SORCS2: variants seen among roughly 807,000 people sequenced by gnomAD.
The protein encoded by SORCS2 is sortilin related VPS10 domain containing receptor 2.
Under a neutral mutation model 141.6 loss-of-function variants are expected in SORCS2, and 100 were observed. The ratio of observed to expected loss-of-function variants is 0.71; its 90% CI spans 0.60 to 0.83. SORCS2 has a LOEUF of 0.83. Ranked by LOEUF, SORCS2 falls within the 40% of genes least tolerant of loss-of-function variation. The probability of loss-of-function intolerance (pLI) is 0.00; values close to 1 mark genes in which losing one functional copy is unlikely to be tolerated. For missense variants in SORCS2, 1,646 were observed against 1,560.2 expected, an observed-to-expected ratio of 1.05 and a Z score of -0.93; for synonymous variants, 789 against 676.9, an observed-to-expected ratio of 1.17 and a Z score of -2.57.
intron 2 of SORCS2, among the ~76,000 whole-genome samples, chr4:7,442,714 G>C (rs370473809): frequency 6.7e-4 from 98 of 146,338 alleles, no homozygotes; most frequent in African/African-American, 2.4e-3. Flanking sequence ...TCAACAAAGC[G>C]GAGAGCAGCA....
intron 1 of SORCS2, among the ~76,000 whole-genome samples, chr4:7,199,853 C>A (rs1327980085): frequency 6.6e-6 from 1 of 152,098 alleles, no homozygotes; most frequent in African/African-American, 2.4e-5. Context: ...CCCAAACCCA[C>A]TCTCCCACTC....
At chr4:7,238,291 G>GC (rs1022399406) in intron 1 of SORCS2, among the ~76,000 whole-genome samples, 35 of 105,224 alleles carry the variant, frequency 3.3e-4, no homozygotes, top group African/African-American at 1.6e-3. Context: ...GAGGGAGTCT[G>GC]GGGGGGGTTG....
intron 23 of SORCS2, among the ~76,000 whole-genome samples, chr4:7,732,923 C>T (rs1191968281): frequency 6.6e-6 from 1 of 151,922 alleles, no homozygotes; most frequent in East Asian, 1.9e-4. Context: ...TCCAGAGGGT[C>T]CAAGCAGGAC....
intron 3 of SORCS2, among the ~76,000 whole-genome samples, chr4:7,614,459 C>T (rs1205895571): frequency 6.7e-6 from 1 of 150,242 alleles, no homozygotes; most frequent in South Asian, 2.1e-4. Flanking sequence ...CATCCATTCA[C>T]CCATAATCCA....
intron 1 of SORCS2, among the ~76,000 whole-genome samples, chr4:7,348,247 T>G (rs1720749252): frequency 6.6e-6 from 1 of 152,254 alleles, no homozygotes; most frequent in South Asian, 2.1e-4. Context: ...ACTTCATTCT[T>G]CCAGCTTTCT....
intron 2 of SORCS2, among the ~76,000 whole-genome samples, chr4:7,414,971 T>A (rs1341891603): frequency 6.6e-6 from 1 of 152,140 alleles, no homozygotes; most frequent in Non-Finnish European, 1.5e-5. Flanking sequence ...AAGGGGTCAG[T>A]TGGAGTTTGT....
chr4:7,499,462 G>A (rs1179155881), intron 2 of SORCS2, among the ~76,000 whole-genome samples: 1 of 152,202 alleles, frequency 6.6e-6, no homozygotes, highest in African/African-American at 2.4e-5. Context: ...GCACCAGTGA[G>A]GAAGTGGGCC....
intron 2 of SORCS2, among the ~76,000 whole-genome samples, chr4:7,529,271 C>T (rs1208520481): frequency 6.6e-6 from 1 of 152,068 alleles, no homozygotes; most frequent in African/African-American, 2.4e-5. Flanking sequence ...AGCGGCCCCA[C>T]CACCCCTCCC....
At chr4:7,511,624 G>C (rs1304366655) in intron 2 of SORCS2, among the ~76,000 whole-genome samples, 2 of 152,182 alleles carry the variant, frequency 1.3e-5, no homozygotes, top group Non-Finnish European at 2.9e-5. Context: ...CTGCAGAGCT[G>C]GCCTGGGCGT....
At chr4:7,515,211 G>A (rs1273145575) in intron 2 of SORCS2, among the ~76,000 whole-genome samples, 4 of 152,230 alleles carry the variant, frequency 2.6e-5, no homozygotes, top group Non-Finnish European at 5.9e-5. Context: ...CTGAGGTCCA[G>A]TGAGTACAGT....
intron 1 of SORCS2, among the ~76,000 whole-genome samples, chr4:7,333,007 G>T (rs1331401434): frequency 6.6e-6 from 1 of 152,258 alleles, no homozygotes; most frequent in African/African-American, 2.4e-5. Flanking sequence ...CACGTGGAAG[G>T]CACCTGGCAC....
At chr4:7,620,025 CTCCTCCTCCT>C (rs1227511021) in intron 3 of SORCS2, among the ~76,000 whole-genome samples, 1 of 150,334 alleles carries the variant, frequency 6.7e-6, no homozygotes, top group Non-Finnish European at 1.5e-5. Context: ...CTCCTTCCTC[CTCCTCCTCCT>C]TCCTCCTCCT....
At chr4:7,582,445 A>G (rs1716220234) in intron 3 of SORCS2, among the ~76,000 whole-genome samples, 1 of 152,224 alleles carries the variant, frequency 6.6e-6, no homozygotes, top group Non-Finnish European at 1.5e-5. Context: ...CAAGGTTGTT[A>G]ACAATTAAAG....
At chr4:7,553,696 G>T (rs1056966684) in intron 3 of SORCS2, among the ~76,000 whole-genome samples, 1 of 152,258 alleles carries the variant, frequency 6.6e-6, no homozygotes, top group South Asian at 2.1e-4. Context: ...AACAGCTGTT[G>T]TTGTGAGAAT....
At chr4:7,447,015 T>C (rs530307345) in intron 2 of SORCS2, among the ~76,000 whole-genome samples, 2 of 152,272 alleles carry the variant, frequency 1.3e-5, no homozygotes, top group Non-Finnish European at 2.9e-5. Context: ...CTGAGATACA[T>C]CCGGGGCTGG....
intron 1 of SORCS2, among the ~76,000 whole-genome samples, chr4:7,392,408 T>C (rs1723924340): frequency 6.6e-6 from 1 of 152,216 alleles, no homozygotes; most frequent in Non-Finnish European, 1.5e-5. Context: ...TTCTCCCTCC[T>C]GTCTGCATCA....
chr4:7,269,280 G>T (rs948090552), intron 1 of SORCS2, among the ~76,000 whole-genome samples: 3 of 152,206 alleles, frequency 2.0e-5, no homozygotes, highest in African/African-American at 7.2e-5. Context: ...AGTGAGACAG[G>T]CAAGTGACCG....
At position 7,439,489 on chromosome 4, in the gene SORCS2, AAC is replaced by A. The variant is rs373794101; in HGVS notation, c.548+43142_548+43143del. Among the ~76,000 whole-genome samples the A allele has an allele frequency of 8.6e-4, 131 of 152,318 alleles. No individual in the cohort carries two copies. In the East Asian group the frequency reaches 0.024, roughly 28 times the overall value. ...CTGAGATAAATTTCACCTACAGCTA[AAC>A]ACACACATCTTCACACACCTGCAGA... On this transcript the variant is annotated intron_variant, in intron 2 of 26. Coordinates refer to ENST00000507866, the MANE Select transcript of SORCS2 (RefSeq NM_020777.3).
rs1218589714 is a variant in SORCS2, at chr4:7,695,935, G to GAT, written c.1592-1263_1592-1262insAT. Among the ~76,000 whole-genome samples, 12 of 130,574 alleles carry GAT rather than the reference G, an allele frequency of 9.2e-5. 1 individual carries two copies. The highest frequency in any genetic ancestry group is 5.2e-4 in the East Asian group (2 of 3,866). The allele number at this position is 130,574 out of a possible 152,430, so 85.7% of individuals were successfully genotyped here. ...GGATGGATGGATGGATTGGTGGGTG[G>GAT]GTGGGTGGATGGATGGATGGATGGA... On this transcript the variant is annotated intron_variant, in intron 11 of 26. Coordinates refer to ENST00000507866, the MANE Select transcript of SORCS2 (RefSeq NM_020777.3).
Sources: gnomAD v4.1 joint callset for allele counts (sites outside exome capture counted in the v4.1 genomes callset) on GRCh38, gnomAD v4.1.1 for gene constraint, MANE v1.5 for transcripts, NCBI Gene and HGNC (gene_info 2026-07-23, HGNC 2026-07-21) for gene names.